NOX4: variants seen among roughly 807,000 people sequenced by gnomAD.
NOX4 encodes NADPH oxidase 4.
In NOX4, 69 loss-of-function variants were observed where a neutral mutation model predicts 87.6. That is an observed-to-expected ratio of 0.79 (90% CI 0.65 to 0.96). NOX4 has a LOEUF of 0.96. Ranked by LOEUF, NOX4 falls within the 40% of genes least tolerant of loss-of-function variation. NOX4 has a pLI of 0.00. For missense variants in NOX4, 680 were observed against 681.5 expected (o/e 1.00, Z 0.02); for synonymous variants, 275 against 238.2 (o/e 1.15, Z -1.42).
At chr11:89,413,509 T>A (rs1942596568) in intron 8 of NOX4, among the ~76,000 whole-genome samples, 1 of 152,168 alleles carries the variant, frequency 6.6e-6, no homozygotes, top group East Asian at 1.9e-4. Context: ...AAAAAGGAGA[T>A]CCTCTCATTT....
Position 89,432,677 on chromosome 11 carries a change from A to G in NOX4, c.548+107T>C, listed in dbSNP as rs952050082. The G allele has an allele frequency of 4.0e-6, 3 of 757,420 alleles. No homozygotes were observed. The African/African-American group carries it at 5.2e-5, about 13-fold the overall frequency. The allele number at this position is 757,420 out of a possible 1,614,324, so 46.9% of individuals were successfully genotyped here. ...TATACTTCACTCTTACTTACCCAGA[A>G]TAGTCCATTAACCAGGACACTACAA... On this transcript the variant is annotated intron_variant, in intron 7 of 17. Transcript: ENST00000263317.
intron 11 of NOX4, among the ~76,000 whole-genome samples, chr11:89,390,152 T>C (rs1225030806): frequency 6.6e-6 from 1 of 152,132 alleles, no homozygotes. Flanking sequence ...ATAGAAGTAA[T>C]TGGACAGAGA....
At chr11:89,456,218 A>G (rs942519694) in intron 2 of NOX4, among the ~76,000 whole-genome samples, 1 of 152,168 alleles carries the variant, frequency 6.6e-6, no homozygotes, top group Non-Finnish European at 1.5e-5. Context: ...AAAAATTAAA[A>G]TTGTTTAAGA....
the NOX4 span, among the ~76,000 whole-genome samples, chr11:89,559,045 T>C: frequency 7.3e-3 from 1,118 of 152,200 alleles, 15 homozygotes; most frequent in African/African-American, 0.025. Context: ...TAACATACTA[T>C]CTCATAATTT....
chr11:89,518,773 G>A, the NOX4 span, among the ~76,000 whole-genome samples: 5 of 152,124 alleles, frequency 3.3e-5, no homozygotes, highest in South Asian at 4.1e-4. Flanking sequence ...ACCATGTGAC[G>A]TGGAGTAATT....
the NOX4 span, among the ~76,000 whole-genome samples, chr11:89,535,106 A>G: frequency 6.6e-6 from 1 of 152,082 alleles, no homozygotes; most frequent in Admixed American, 6.5e-5. Flanking sequence ...TTTTTTTCTT[A>G]TCAGAGTAAT....
intron 9 of NOX4, among the ~76,000 whole-genome samples, chr11:89,401,352 G>A (rs1941844210): frequency 6.6e-6 from 1 of 151,916 alleles, no homozygotes; most frequent in African/African-American, 2.4e-5. Context: ...CGCCATACCT[G>A]CCCTAATATT....
At chr11:89,537,541 G>T in the NOX4 span, among the ~76,000 whole-genome samples, 2 of 151,740 alleles carry the variant, frequency 1.3e-5, no homozygotes, top group East Asian at 3.9e-4. Context: ...CATTTGTTCT[G>T]CTCAAGTTTA....
upstream of NOX4, among the ~76,000 whole-genome samples, chr11:89,496,873 G>A (rs1946960002): frequency 6.6e-6 from 1 of 152,092 alleles, no homozygotes; most frequent in Non-Finnish European, 1.5e-5. Flanking sequence ...TAGGAAGGTA[G>A]GTAAGGCCAT....
chr11:89,582,131 T>C, the NOX4 span, among the ~76,000 whole-genome samples: 1 of 152,204 alleles, frequency 6.6e-6, no homozygotes, highest in African/African-American at 2.4e-5. Context: ...GTGTTCATCC[T>C]GGCTTATTTC....
At chr11:89,581,891 T>C in the NOX4 span, among the ~76,000 whole-genome samples, 1 of 152,148 alleles carries the variant, frequency 6.6e-6, no homozygotes, top group Admixed American at 6.6e-5. Context: ...ATAAGATCTA[T>C]CCATGAAAGC....
chr11:89,543,118 T>G, the NOX4 span, among the ~76,000 whole-genome samples: 3 of 152,146 alleles, frequency 2.0e-5, no homozygotes, highest in Admixed American at 1.3e-4. Flanking sequence ...ATTATTTGGG[T>G]GACGGCTACA....
chr11:89,369,895 G>C (rs554608557), intron 12 of NOX4, among the ~76,000 whole-genome samples: 1 of 151,226 alleles, frequency 6.6e-6, no homozygotes, highest in Non-Finnish European at 1.5e-5. Flanking sequence ...AATTAGTGTG[G>C]TTATAATCTG....
chr11:89,340,198 G>A, intron 14 of NOX4, 27 bp from the exon 15 acceptor site: 1 of 1,382,808 alleles, frequency 7.2e-7, no homozygotes, highest in Non-Finnish European at 1.0e-6. Context: ...ACATGATAGT[G>A]ATTAGGATGG....
At chr11:89,389,650 G>C (rs1348041113) in intron 11 of NOX4, among the ~76,000 whole-genome samples, 1 of 152,104 alleles carries the variant, frequency 6.6e-6, no homozygotes, top group Non-Finnish European at 1.5e-5. Flanking sequence ...GTTCGAAATG[G>C]TAATTTTACT....
intron 4 of NOX4, 98 bp downstream of exon 4, chr11:89,449,342 T>C: frequency 1.2e-6 from 1 of 828,092 alleles, no homozygotes; most frequent in Non-Finnish European, 1.8e-6. Context: ...AGAATAAGAT[T>C]AGGGAAAACT....
At chr11:89,335,339 C>G (rs1945655495) in intron 17 of NOX4, among the ~76,000 whole-genome samples, 1 of 151,444 alleles carries the variant, frequency 6.6e-6, no homozygotes, top group Non-Finnish European at 1.5e-5. Flanking sequence ...ATTATAGTTT[C>G]TAAATAATAT....
intron 17 of NOX4, among the ~76,000 whole-genome samples, chr11:89,335,485 A>C (rs1257012315): frequency 2.6e-5 from 4 of 151,828 alleles, no homozygotes; most frequent in African/African-American, 9.7e-5. Flanking sequence ...GTTAGAACTA[A>C]TTGTAAAATT....
chr11:89,585,242 A>G, the NOX4 span, among the ~76,000 whole-genome samples: 1 of 152,066 alleles, frequency 6.6e-6, no homozygotes, highest in Non-Finnish European at 1.5e-5. Flanking sequence ...CCACTCTCAT[A>G]TTGCTCAATG....
Sources: gnomAD v4.1 joint callset for allele counts (sites outside exome capture counted in the v4.1 genomes callset) on GRCh38, gnomAD v4.1.1 for gene constraint, MANE v1.5 for transcripts, NCBI Gene and HGNC (gene_info 2026-07-23, HGNC 2026-07-21) for gene names.